The following FRMD4B variants were observed in gnomAD, a reference collection of about 807,000 sequenced individuals.
FRMD4B encodes FERM domain-containing protein 4B.
A neutral mutation model predicts 141.5 loss-of-function variants in FRMD4B; 74 were observed. The ratio of observed to expected loss-of-function variants is 0.52; its 90% CI spans 0.43 to 0.63. The LOEUF (loss-of-function observed/expected upper bound fraction) is 0.63. Among genes scored for constraint, FRMD4B ranks in the 30% least tolerant of loss-of-function variants. The pLI is 0.00. For synonymous variants in FRMD4B, 506 were observed against 467.9 expected (o/e 1.08, Z -1.05); for missense variants, 1,366 against 1,253.4 (o/e 1.09, Z -1.36).
At chr3:69,509,436 A>G (rs1396559346) in intron 1 of FRMD4B, among the ~76,000 whole-genome samples, 1 of 152,222 alleles carries the variant, frequency 6.6e-6, no homozygotes, top group African/African-American at 2.4e-5. Context: ...AGGGGCACAC[A>G]GAATCAAGTA....
rs566522025 is a variant in FRMD4B, at chr3:69,411,821, G to A, written c.-1+20813C>T. On this transcript the variant is annotated intron_variant, in intron 2 of 5. Transcript: ENST00000459638. The stretch of plus-strand genomic sequence containing the variant: ...GCACTTCTTAAAGTGGAAGATTTCC[G>A]AGGTCCTTGCTTTTGAACAATTATC... Among the ~76,000 whole-genome samples, 9 of 152,252 alleles carry A rather than the reference G, an allele frequency of 5.9e-5. No homozygotes were observed. The South Asian group carries it at 1.9e-3, about 32-fold the overall frequency.
At chr3:69,223,766 T>A (rs1198929427) in intron 8 of FRMD4B, among the ~76,000 whole-genome samples, 1 of 152,090 alleles carries the variant, frequency 6.6e-6, no homozygotes, top group East Asian at 1.9e-4. Flanking sequence ...TTGAACCAGG[T>A]TGCAGTGAGC....
chr3:69,389,278 C>G (rs146342934), upstream of FRMD4B, among the ~76,000 whole-genome samples: 60 of 152,162 alleles, frequency 3.9e-4, 1 homozygote, highest in South Asian at 0.012. Flanking sequence ...TGATCCTCCC[C>G]CCTCGGCCTC....
intron 8 of FRMD4B, among the ~76,000 whole-genome samples, chr3:69,222,756 A>G (rs2093209100): frequency 6.6e-6 from 1 of 150,602 alleles, no homozygotes; most frequent in Admixed American, 6.7e-5. Flanking sequence ...GGGCAACAAG[A>G]GCAAAACTCC....
In FRMD4B at chr3:69,311,374, C is replaced by G. The variant is rs763730530; in HGVS notation, c.229-17G>C. The G allele has an allele frequency of 2.8e-6, 4 of 1,449,094 alleles. No homozygotes were observed. The highest frequency in any genetic ancestry group is 3.9e-6 in the Non-Finnish European group (4 of 1,033,420). The allele number at this position is 1,449,094 out of a possible 1,614,324, so 89.8% of individuals were successfully genotyped here. A position where few individuals can be genotyped will look rare whatever the true frequency, so the allele number is the denominator to read the frequency against. ...AAGTTTGGGCTGTCAAAATAAAAATCTGGTTAGAAGCAATTTGGTTGCCTC... is the reference window on the plus strand; with the variant it reads ...AAGTTTGGGCTGTCAAAATAAAAATGTGGTTAGAAGCAATTTGGTTGCCTC... On this transcript the variant is annotated splice_polypyrimidine_tract_variant and intron_variant, in intron 2 of 22. Transcript: ENST00000398540.
At chr3:69,541,796 C>A (rs77035863) in intron 1 of FRMD4B, among the ~76,000 whole-genome samples, 13,673 of 151,522 alleles carry the variant, frequency 0.09, 930 homozygotes, top group East Asian at 0.34. Context: ...ATTTCCCCCC[C>A]CTCTTTTCGC....
intron 5 of FRMD4B, among the ~76,000 whole-genome samples, chr3:69,282,944 T>C (rs1196992518): frequency 6.6e-6 from 1 of 152,072 alleles, no homozygotes; most frequent in African/African-American, 2.4e-5. Context: ...GCCATCTGCA[T>C]AATAATTAGA....
chr3:69,198,491 G>A (rs2092931297), intron 12 of FRMD4B: 3 of 551,764 alleles, frequency 5.4e-6, no homozygotes, highest in Admixed American at 6.6e-5. Context: ...TGCTTGGGAT[G>A]TAAAATGGTG....
intron 7 of FRMD4B, among the ~76,000 whole-genome samples, chr3:69,243,196 C>A (rs2093399418): frequency 6.6e-6 from 1 of 152,054 alleles, no homozygotes; most frequent in Non-Finnish European, 1.5e-5. Context: ...AAATGGAAGT[C>A]CCCACTCCAC....
intron 1 of FRMD4B, among the ~76,000 whole-genome samples, chr3:69,339,778 T>C (rs180711238): frequency 1.6e-4 from 25 of 152,192 alleles, no homozygotes; most frequent in Admixed American, 1.5e-3. Context: ...ATCCACAATA[T>C]TAAATTGATG....
chr3:69,297,986 A>G (rs969515366), intron 4 of FRMD4B, among the ~76,000 whole-genome samples: 2 of 152,018 alleles, frequency 1.3e-5, no homozygotes, highest in Non-Finnish European at 1.5e-5. Flanking sequence ...TGCTTTAAAT[A>G]TTTTCTTTTC....
At position 69,266,651 on chromosome 3, in the gene FRMD4B, A is replaced by G. The variant is rs544253670; in HGVS notation, c.502-16552T>C. Among the ~76,000 whole-genome samples the G allele has an allele frequency of 4.6e-5, 7 of 152,246 alleles. No homozygotes were observed. The East Asian group carries it at 9.7e-4, about 21-fold the overall frequency. ...TGAAAAATAGTTTTTAAAAATGAAG[A>G]TGGAGAAGAAGGAAAAATTATTCTT... On this transcript the variant is annotated intron_variant, in intron 5 of 22. Coordinates refer to ENST00000398540, the MANE Select transcript of FRMD4B (RefSeq NM_015123.3).
intron 1 of FRMD4B, among the ~76,000 whole-genome samples, chr3:69,506,696 G>C (rs78055988): frequency 0.031 from 4,728 of 151,910 alleles, 210 homozygotes; most frequent in East Asian, 0.12. Context: ...ACCACACCCA[G>C]CTACAGCTAA....
intron 7 of FRMD4B, among the ~76,000 whole-genome samples, chr3:69,238,312 T>C (rs1345686491): frequency 6.6e-6 from 1 of 152,234 alleles, no homozygotes; most frequent in Non-Finnish European, 1.5e-5. Context: ...GTTTGGCCTT[T>C]AGAACTGCAT....
At chr3:69,406,120 G>A (rs141628564) in intron 2 of FRMD4B, among the ~76,000 whole-genome samples, 68 of 152,238 alleles carry the variant, frequency 4.5e-4, no homozygotes, top group African/African-American at 1.6e-3. Context: ...ACTCACCCTT[G>A]CACTTCTTAT....
chr3:69,281,019 C>T (rs1247756971), intron 5 of FRMD4B, among the ~76,000 whole-genome samples: 2 of 152,116 alleles, frequency 1.3e-5, no homozygotes, highest in African/African-American at 4.8e-5. Flanking sequence ...CAACCTCTGC[C>T]TCCTGAGTTC....
intron 2 of FRMD4B, among the ~76,000 whole-genome samples, chr3:69,405,121 T>C (rs1302685332): frequency 6.6e-6 from 1 of 152,144 alleles, no homozygotes; most frequent in African/African-American, 2.4e-5. Context: ...ATAGGCAGGG[T>C]CAAACAGACC....
intron 15 of FRMD4B, 23 bp from the exon 16 acceptor site, chr3:69,195,164 G>A: frequency 6.2e-7 from 1 of 1,613,874 alleles, no homozygotes; most frequent in South Asian, 1.1e-5. Flanking sequence ...ACAGAATCAA[G>A]AGCAGATAAT....
chr3:69,213,283 A>G (rs1000230578), intron 11 of FRMD4B, among the ~76,000 whole-genome samples: 1 of 151,970 alleles, frequency 6.6e-6, no homozygotes. Context: ...TGGGGATTGC[A>G]GAAGACTTCT....
Sources: gnomAD v4.1 joint callset for allele counts (sites outside exome capture counted in the v4.1 genomes callset) on GRCh38, gnomAD v4.1.1 for gene constraint, MANE v1.5 for transcripts, NCBI Gene and HGNC (gene_info 2026-07-23, HGNC 2026-07-21) for gene names.